The following IFNGR2 variants were observed in gnomAD, a reference collection of about 807,000 sequenced individuals.
IFNGR2 encodes IFN-gamma receptor 2.
IFNGR2 carries 15 observed loss-of-function variants against 41.1 expected under a neutral mutation model. The observed-to-expected ratio is 0.37, with a 90% CI of 0.24 to 0.56. IFNGR2 has a LOEUF of 0.56. Among genes scored for constraint, IFNGR2 ranks in the 20% least tolerant of loss-of-function variants. IFNGR2 has a pLI of 0.81. For synonymous variants in IFNGR2, 161 were observed against 171.6 expected (o/e 0.94, Z 0.48); for missense variants, 362 against 415.7 (o/e 0.87, Z 1.12).
chr21:33,411,292 C>T (rs531984994), intron 1 of IFNGR2, among the ~76,000 whole-genome samples: 4 of 152,270 alleles, frequency 2.6e-5, no homozygotes, highest in East Asian at 3.9e-4. Flanking sequence ...TTCCACGCGT[C>T]GCTTGGGGTG....
chr21:33,431,613 T>C (rs2123367229), intron 4 of IFNGR2, among the ~76,000 whole-genome samples: 1 of 152,332 alleles, frequency 6.6e-6, no homozygotes, highest in African/African-American at 2.4e-5. Context: ...GATGGAGTCT[T>C]GCTCTTCATC....
chr21:33,428,209 A>T (rs948121072), intron 4 of IFNGR2, among the ~76,000 whole-genome samples: 23 of 140,310 alleles, frequency 1.6e-4, no homozygotes, highest in Non-Finnish European at 2.3e-4. Context: ...CTTCTCCTTC[A>T]TTTTTTTTTT....
At chr21:33,411,039 C>T (rs2083711977) in intron 1 of IFNGR2, 2 of 654,246 alleles carry the variant, frequency 3.1e-6, no homozygotes, top group East Asian at 5.5e-5. Context: ...GGACAGGCCC[C>T]CTGGCCTACA....
chr21:33,416,597 C>G (rs967482467), intron 2 of IFNGR2, among the ~76,000 whole-genome samples: 2 of 151,980 alleles, frequency 1.3e-5, no homozygotes, highest in Admixed American at 1.3e-4. Flanking sequence ...CCAAGACGGG[C>G]GGATCACGCG....
intron 4 of IFNGR2, among the ~76,000 whole-genome samples, chr21:33,431,436 G>A (rs370842117): frequency 6.6e-6 from 1 of 152,264 alleles, no homozygotes; most frequent in African/African-American, 2.4e-5. Context: ...CAGACATGAT[G>A]GTGGGTGTCT....
At position 33,437,115 on chromosome 21, in the gene IFNGR2, G is replaced by T; in HGVS notation, c.*153G>T. 2 of 650,552 alleles carry T rather than the reference G, an allele frequency of 3.1e-6. No individual in the cohort carries two copies. Among genetic ancestry groups the T allele is most frequent in the Non-Finnish European group, 5.3e-6 (2 of 377,024 alleles). 40.3% of individuals were successfully genotyped at this position (650,552 alleles called of 1,614,324 possible). A position where few individuals can be genotyped will look rare whatever the true frequency, so the allele number is the denominator to read the frequency against. The stretch of plus-strand genomic sequence containing the variant: ...GACATGAGAGACAGCAGGTCTCATG[G>T]GGGTGACAAGCTTTTTTTTTTTTTC... On this transcript the variant is annotated 3_prime_UTR_variant, in exon 7 of 7. Transcript: ENST00000290219.
In IFNGR2 at chr21:33,432,887, TCTC is replaced by T. The variant is rs780113680; in HGVS notation, c.879+17_879+19del. The T allele has an allele frequency of 1.4e-6, 2 of 1,396,976 alleles. No individual in the cohort carries two copies. Among genetic ancestry groups the T allele is most frequent in the South Asian group, 1.2e-5 (1 of 80,468 alleles). The allele number at this position is 1,396,976 out of a possible 1,614,324, so 86.5% of individuals were successfully genotyped here. On this transcript the variant is annotated intron_variant, in intron 6 of 6. Coordinates refer to ENST00000290219, the MANE Select transcript of IFNGR2 (RefSeq NM_005534.4). Reference sequence around the variant, plus strand: ...GATAGAAGAGGTACGTGTGCACACATCTCTTTTTTTTTTTTTGAGACAGGGTCT... The same window carrying T: ...GATAGAAGAGGTACGTGTGCACACATTTTTTTTTTTTTTGAGACAGGGTCT...
At chr21:33,404,514 T>C (rs983774366) in intron 1 of IFNGR2, among the ~76,000 whole-genome samples, 3 of 152,136 alleles carry the variant, frequency 2.0e-5, no homozygotes, top group Non-Finnish European at 4.4e-5. Flanking sequence ...TCTCAGCTAC[T>C]GCAGCCTCCG....
chr21:33,432,583 G>T, intron 5 of IFNGR2, 131 bp from the exon 6 acceptor site: 2 of 1,022,654 alleles, frequency 2.0e-6, no homozygotes, highest in Non-Finnish European at 1.5e-6. Flanking sequence ...CCAGGTGAGG[G>T]TGGGGGGTAG....
Position 33,413,196 on chromosome 21 carries a change from A to G in IFNGR2, c.74-1692A>G, listed in dbSNP as rs141917548. Among the ~76,000 whole-genome samples the G allele has an allele frequency of 1.7e-4, 26 of 152,256 alleles. 1 individual carries two copies. The highest frequency in any genetic ancestry group is 5.5e-4 in the African/African-American group (23 of 41,548). On this transcript the variant is annotated intron_variant, in intron 1 of 6. Coordinates refer to ENST00000290219, the MANE Select transcript of IFNGR2 (RefSeq NM_005534.4). ...CCCCTCTGGAAGCATCCAGTCCCCA[A>G]CTGGCTTTGGGCATTGCTAGGTCAT...
chr21:33,421,000 C>T (rs1296468812), intron 2 of IFNGR2, among the ~76,000 whole-genome samples: 1 of 151,926 alleles, frequency 6.6e-6, no homozygotes, highest in Non-Finnish European at 1.5e-5. Flanking sequence ...AGTTTGAGAC[C>T]AGCCTGACCA....
At chr21:33,405,952 C>G (rs745922668) in intron 1 of IFNGR2, among the ~76,000 whole-genome samples, 4 of 152,156 alleles carry the variant, frequency 2.6e-5, no homozygotes, top group African/African-American at 4.8e-5. Flanking sequence ...ATCACTTAAA[C>G]TCAGGAGGCA....
chr21:33,421,876 G>A (rs1363077058), intron 3 of IFNGR2, among the ~76,000 whole-genome samples, 191 bp downstream of exon 3: 2 of 152,200 alleles, frequency 1.3e-5, no homozygotes, highest in Non-Finnish European at 2.9e-5. Flanking sequence ...CCAGGGGTTG[G>A]CCAACTACAG....
At chr21:33,424,370 GTATC>G (rs1436141044) in intron 3 of IFNGR2, among the ~76,000 whole-genome samples, 4 of 152,142 alleles carry the variant, frequency 2.6e-5, no homozygotes, top group African/African-American at 9.7e-5. Flanking sequence ...GAAGCAGGAT[GTATC>G]GTGACAGTGG....
rs3057381 is a variant in IFNGR2 at position 33,413,826 on chromosome 21, C to CTTTTTT, written c.74-1044_74-1039dup. Among the ~76,000 whole-genome samples, 142 of 61,726 alleles carry CTTTTTT rather than the reference C, an allele frequency of 2.3e-3. 9 individuals are homozygous for CTTTTTT. Among genetic ancestry groups the CTTTTTT allele is most frequent in the Non-Finnish European group, 2.7e-3 (97 of 35,724 alleles). The allele number at this position is 61,726 out of a possible 152,430, so 40.5% of individuals were successfully genotyped here. A position where few individuals can be genotyped will look rare whatever the true frequency, so the allele number is the denominator to read the frequency against. ...CTTTCTCTGTTTATTGCCCCCTAAC[C>CTTTTTT]TTTTTTTTTTTTTTTTTTTTTTTGG... On this transcript the variant is annotated intron_variant, in intron 1 of 6. Transcript: ENST00000290219.
At chr21:33,416,672 A>G (rs944837575) in intron 2 of IFNGR2, among the ~76,000 whole-genome samples, 47 of 152,026 alleles carry the variant, frequency 3.1e-4, no homozygotes, top group African/African-American at 1.1e-3. Context: ...AATACAAAAA[A>G]TTAGCTGGGT....
intron 2 of IFNGR2, among the ~76,000 whole-genome samples, chr21:33,419,023 A>T (rs933112210): frequency 6.6e-6 from 1 of 152,174 alleles, no homozygotes; most frequent in Non-Finnish European, 1.5e-5. Context: ...CAATCTAGAA[A>T]AGTAGAAGAA....
At position 33,426,955 on chromosome 21, in the gene IFNGR2, C is replaced by T. The variant is rs755628412; in HGVS notation, c.484C>T (p.Pro162Ser). The change falls in exon 4 of 7, where the codon CCC becomes TCC. Residue 162 changes from proline (P) to serine (S), a missense_variant. Physicochemically the swap from Pro to Ser is moderately conservative, Grantham distance 74. Transcript: ENST00000290219. ...EGSLIIRFSS[P>S]FDIADTSTAF... ...CTCCCTCATCATCAGGTTCTCCTCT[C>T]CCTTTGACATCGCTGATACCTCCAC... The T allele has an allele frequency of 1.1e-5, 18 of 1,613,452 alleles. No individual in the cohort carries two copies. Among genetic ancestry groups the T allele is most frequent in the East Asian group, 2.2e-5 (1 of 44,902 alleles).
intron 6 of IFNGR2, 116 bp downstream of exon 6, chr21:33,432,987 G>T: frequency 1.2e-6 from 1 of 859,002 alleles, no homozygotes; most frequent in Non-Finnish European, 1.9e-6. Flanking sequence ...CCAGGTTCAA[G>T]CGATTCTCCT....
Sources: allele counts gnomAD v4.1 joint callset (sites outside exome capture counted in the v4.1 genomes callset), GRCh38; gene constraint gnomAD v4.1.1; transcripts MANE v1.5; gene names NCBI Gene and HGNC (gene_info 2026-07-23, HGNC 2026-07-21).